Variants in SART3 observed in about 807,000 individuals in gnomAD.
SART3 encodes the protein spliceosome associated factor 3, U4/U6 recycling protein, also known as HIV-1 Tat-interacting protein of 110kDa.
SART3 carries 44 observed loss-of-function variants against 122.3 expected under a neutral mutation model. The ratio of observed to expected loss-of-function variants is 0.36; its 90% confidence interval spans 0.28 to 0.46. SART3 has a LOEUF of 0.46. Among genes scored for constraint, SART3 ranks in the 20% least tolerant of loss-of-function variants. SART3 has a pLI of 1.00. For synonymous variants in SART3, 442 were observed against 454.0 expected (o/e 0.97, Z 0.34); for missense variants, 1,101 against 1,229.0 (o/e 0.90, Z 1.56).
intron 3 of SART3, 143 bp from the exon 4 acceptor site, chr12:108,545,466 C>T: frequency 1.4e-6 from 1 of 734,912 alleles, no homozygotes; most frequent in South Asian, 1.6e-5. Context: ...GCAGAGATGA[C>T]CATAAAGGAC....
chr12:108,558,550 C>T (rs541711438), intron 1 of SART3, among the ~76,000 whole-genome samples: 1 of 152,150 alleles, frequency 6.6e-6, no homozygotes, highest in Non-Finnish European at 1.5e-5. Flanking sequence ...TGTACCCTCA[C>T]CAAGGACTTA....
At chr12:108,544,834 G>T (rs149545582) in intron 4 of SART3, 236 of 569,308 alleles carry the variant, frequency 4.1e-4, no homozygotes, top group Non-Finnish European at 6.9e-4. Context: ...CAAACTGCTG[G>T]AATTACAAGC....
At chr12:108,534,598 C>T (rs184783843) in intron 12 of SART3, among the ~76,000 whole-genome samples, 2 of 152,064 alleles carry the variant, frequency 1.3e-5, no homozygotes, top group African/African-American at 4.8e-5. Context: ...AAGAATTGCT[C>T]GAACCCAGGA....
Position 108,535,551 on chromosome 12 carries a change from C to T in SART3, c.1447-83G>A, listed in dbSNP as rs1320747834. The T allele has an allele frequency of 6.3e-6, 7 of 1,102,868 alleles. No individual in the cohort carries two copies. In the East Asian group the frequency reaches 1.2e-4, roughly 19 times the overall value. 68.3% of individuals were successfully genotyped at this position (1,102,868 alleles called of 1,614,324 possible). Reference sequence around the variant, plus strand: ...ATACAACACACTTCCAACAGACACACATAAAAAGCACCCCACAACTATTAG... The same window carrying T: ...ATACAACACACTTCCAACAGACACATATAAAAAGCACCCCACAACTATTAG... On this transcript the variant is annotated intron_variant, in intron 11 of 18. Transcript: ENST00000546815.
intron 15 of SART3, among the ~76,000 whole-genome samples, chr12:108,526,757 C>G (rs374791406): frequency 8.3e-6 from 1 of 120,608 alleles, no homozygotes; most frequent in East Asian, 3.2e-4. Flanking sequence ...CAATTACACT[C>G]GGGTAAGTGG....
chr12:108,559,832 CCAG>C (rs1280515106), intron 1 of SART3, among the ~76,000 whole-genome samples: 2 of 152,248 alleles, frequency 1.3e-5, no homozygotes, highest in African/African-American at 4.8e-5. Flanking sequence ...GCAGGAGGCA[CCAG>C]CAGAAGTTTG....
intron 17 of SART3, among the ~76,000 whole-genome samples, chr12:108,525,221 A>G (rs1408080703): frequency 1.3e-5 from 2 of 152,264 alleles, no homozygotes; most frequent in Non-Finnish European, 2.9e-5. Context: ...AGTGTGGTGA[A>G]TTCATGATCC....
At chr12:108,524,818 A>G (rs7972492) in intron 17 of SART3, 5,009 of 429,714 alleles carry the variant, frequency 0.012, 211 homozygotes, top group African/African-American at 0.092. Context: ...AAATCCAGCA[A>G]ATAAACCAAG....
chr12:108,539,028 A>G lies in SART3; in HGVS notation c.968T>C (p.Ile323Thr). The G allele has an allele frequency of 6.2e-7, 1 of 1,614,220 alleles. No homozygotes were observed. Among genetic ancestry groups the G allele is most frequent in the East Asian group, 2.2e-5 (1 of 44,890 alleles). The change falls in exon 7 of 19, where the codon ATT becomes ACT. Residue 323 changes from isoleucine (I) to threonine (T), a missense_variant. Physicochemically the swap from Ile to Thr is moderately conservative, Grantham distance 89. Around this residue, in one of 2 missense-constraint regions of SART3, gnomAD observed 885 missense variants for 1,080.1 expected, o/e 0.82. Coordinates refer to ENST00000546815, the MANE Select transcript of SART3 (RefSeq NM_014706.4). ...CAACTGAATGCGAGCAGGATCGCCA[A>G]TTTTCATCTCAAAATCGATATATGC... Reference protein sequence around the residue: ...YQAYIDFEMKIGDPARIQLIF... With the variant: ...YQAYIDFEMKTGDPARIQLIF...
Position 108,526,522 on chromosome 12 carries a change from GT to G in SART3, c.1946del (p.Asn649ThrfsTer12). The G allele has an allele frequency of 6.2e-7, 1 of 1,614,104 alleles. No individual in the cohort carries two copies. The highest frequency in any genetic ancestry group is 8.5e-7 in the Non-Finnish European group (1 of 1,180,042). The part of the protein sequence containing the change: ...EQPSKRRRVE[N>X]SIPAAGETQN... ...GTGTTTCTCCAGCTGCAGGGATGCT[GT>G]TCTCGACCCTTCTGCGTTTGGAAGG... On this transcript the variant is annotated frameshift_variant, in exon 16 of 19. Coordinates refer to ENST00000546815, the MANE Select transcript of SART3 (RefSeq NM_014706.4). LOFTEE classifies it high-confidence loss of function.
intron 13 of SART3, 119 bp downstream of exon 13, chr12:108,532,103 C>T (rs1276416638): frequency 6.3e-6 from 5 of 795,696 alleles, no homozygotes; most frequent in African/African-American, 1.7e-5. Context: ...AATCATAGGG[C>T]ACCACCTAAG....
chr12:108,526,508 G>C lies in SART3; in HGVS notation c.1961C>G (p.Ala654Gly). ...RRRVENSIPAAGETQNVEVAA... is the reference protein window; with the variant it reads ...RRRVENSIPAGGETQNVEVAA... Reference sequence around the variant, plus strand: ...TACTTCTACATTTTGTGTTTCTCCAGCTGCAGGGATGCTGTTCTCGACCCT... The same window carrying C: ...TACTTCTACATTTTGTGTTTCTCCACCTGCAGGGATGCTGTTCTCGACCCT... The change falls in exon 16 of 19, where the codon GCT becomes GGT. Residue 654 changes from alanine to glycine, a missense_variant. Transcript: ENST00000546815. 1 of 1,614,150 alleles carries C rather than the reference G, an allele frequency of 6.2e-7. No individual in the cohort carries two copies. Among genetic ancestry groups the C allele is most frequent in the Non-Finnish European group, 8.5e-7 (1 of 1,180,044 alleles).
chr12:108,530,049 G>A (rs1872590223), intron 15 of SART3, 93 bp downstream of exon 15: 2 of 1,422,708 alleles, frequency 1.4e-6, no homozygotes, highest in Non-Finnish European at 2.0e-6. Flanking sequence ...TATCAAGCTG[G>A]TAACGGTTCA....
chr12:108,526,654 G>T, intron 15 of SART3, 101 bp from the exon 16 acceptor site: 2 of 1,250,424 alleles, frequency 1.6e-6, no homozygotes, highest in Non-Finnish European at 1.2e-6. Flanking sequence ...AGCTGCATGT[G>T]ACACTTACTC....
chr12:108,553,925 T>C (rs2030111394), intron 1 of SART3: 1 of 152,268 alleles, frequency 6.6e-6, no homozygotes, highest in Admixed American at 6.5e-5. Context: ...AATCCCAGCA[T>C]GCTGGGCTCA....
At chr12:108,542,978 A>G (rs762395283) in intron 6 of SART3, 50 bp downstream of exon 6, 13 of 1,612,430 alleles carry the variant, frequency 8.1e-6, no homozygotes, top group Non-Finnish European at 1.0e-5. Context: ...ACTATCCATC[A>G]GGGAAAGGTT....
intron 16 of SART3, 41 bp from the exon 17 acceptor site, chr12:108,525,650 G>A: frequency 4.4e-6 from 7 of 1,604,034 alleles, no homozygotes; most frequent in Non-Finnish European, 6.0e-6. Flanking sequence ...ATGATTCGAG[G>A]CATGACCCAG....
Position 108,537,013 on chromosome 12 carries a change from T to TG in SART3, c.1310-229dup, listed in dbSNP as rs1045939812. On this transcript the variant is annotated intron_variant, in intron 9 of 18. Coordinates refer to ENST00000546815, the MANE Select transcript of SART3 (RefSeq NM_014706.4). ...TGAAAAAGGCAAACACAGGGTGCTG[T>TG]GGGGGGGAGTCTCCCCCAGCTGGGG... is the stretch of plus-strand genomic sequence containing the variant. 5.1e-5 allele frequency: 28 copies of TG among 544,566 alleles called. No homozygotes were observed. In the East Asian group the frequency reaches 6.6e-4, roughly 13 times the overall value. 33.7% of individuals were successfully genotyped at this position (544,566 alleles called of 1,614,324 possible).
intron 5 of SART3, 80 bp from the exon 6 acceptor site, chr12:108,543,232 A>T (rs936953437): frequency 1.1e-5 from 17 of 1,533,862 alleles, no homozygotes; most frequent in Non-Finnish European, 1.4e-5. Context: ...CATGAGACTC[A>T]GGTGCCACTA....
Sources: gnomAD v4.1 joint callset for allele counts (sites outside exome capture counted in the v4.1 genomes callset) on GRCh38, gnomAD v4.1.1 for gene constraint, gnomAD v4.1.1 regional missense constraint, MANE v1.5 for transcripts, NCBI Gene and HGNC (gene_info 2026-07-23, HGNC 2026-07-21) for gene names.